DPP10: variants seen among roughly 807,000 people sequenced by gnomAD.
DPP10 encodes the protein dipeptidyl peptidase like 10.
In DPP10, 33 loss-of-function variants were observed where a neutral mutation model predicts 120.9. The observed-to-expected ratio is 0.27, with a 90% CI of 0.21 to 0.37. DPP10 has a LOEUF of 0.37. DPP10 is among the 10% of genes least tolerant of loss of function. The pLI, the probability that DPP10 is intolerant of heterozygous loss-of-function variation, is 1.00. For missense variants in DPP10, 816 were observed against 942.8 expected (o/e 0.87, Z 1.76); for synonymous variants, 337 against 326.1 (o/e 1.03, Z -0.36).
intron 1 of DPP10, among the ~76,000 whole-genome samples, chr2:114,615,324 T>A (rs1326695301): frequency 6.6e-6 from 1 of 152,170 alleles, no homozygotes; most frequent in Non-Finnish European, 1.5e-5. Context: ...GCACTATGGT[T>A]GTCTCTAATA....
chr2:115,488,662 T>C (rs1477245310), intron 3 of DPP10, among the ~76,000 whole-genome samples: 5 of 104,730 alleles, frequency 4.8e-5, no homozygotes, highest in African/African-American at 1.8e-4. Flanking sequence ...TTCTCACTCA[T>C]AGGTGGGAAT....
chr2:114,665,985 A>G (rs1027269174), intron 1 of DPP10, among the ~76,000 whole-genome samples: 1 of 152,222 alleles, frequency 6.6e-6, no homozygotes, highest in African/African-American at 2.4e-5. Flanking sequence ...CTTAATATAC[A>G]GCCCATCGGG....
At chr2:115,420,977 G>T (rs2069893535) in intron 3 of DPP10, among the ~76,000 whole-genome samples, 2 of 152,090 alleles carry the variant, frequency 1.3e-5, no homozygotes, top group African/African-American at 4.8e-5. Context: ...ATTGTTATAA[G>T]ATATATTTCG....
chr2:114,482,524 G>A (rs1286357702), intron 1 of DPP10, among the ~76,000 whole-genome samples: 2 of 152,058 alleles, frequency 1.3e-5, no homozygotes, highest in African/African-American at 2.4e-5. Context: ...AAAGTCAGTC[G>A]GGTGGTTCTG....
chr2:115,561,358 C>CAAAAAAA (rs11421762), intron 5 of DPP10, among the ~76,000 whole-genome samples: 4 of 59,802 alleles, frequency 6.7e-5, no homozygotes, highest in African/African-American at 1.4e-4. Context: ...GACTCCATCA[C>CAAAAAAA]AAAAAAAAAA....
chr2:115,331,408 C>G lies in DPP10; in HGVS notation c.176-12409C>G, dbSNP rs187076302. On this transcript the variant is annotated intron_variant, in intron 2 of 25. Coordinates refer to ENST00000410059, the MANE Select transcript of DPP10 (RefSeq NM_020868.6). ...CTTCCTCTTTTCCTAACTGAATACC[C>G]TTTATTTCTTCCTCCTGCCTGATTG... 3.6e-4 allele frequency among the ~76,000 whole-genome samples: 55 copies of G among 152,196 alleles called. 1 individual carries two copies. The East Asian group carries it at 0.01, about 28-fold the overall frequency.
intron 1 of DPP10, among the ~76,000 whole-genome samples, chr2:114,664,578 G>A (rs896257937): frequency 2.7e-5 from 4 of 145,488 alleles, no homozygotes; most frequent in Non-Finnish European, 4.5e-5. Flanking sequence ...GCAGTGAGCC[G>A]AGATTGTGGC....
At chr2:114,991,993 T>C (rs183200630) in intron 1 of DPP10, among the ~76,000 whole-genome samples, 1 of 152,346 alleles carries the variant, frequency 6.6e-6, no homozygotes, top group African/African-American at 2.4e-5. Context: ...AGGACCACAG[T>C]CATGAATTCA....
chr2:115,791,408 T>C, intron 19 of DPP10, 52 bp downstream of exon 19: 1 of 1,483,932 alleles, frequency 6.7e-7, no homozygotes, highest in Admixed American at 2.0e-5. Flanking sequence ...TTTTATATTT[T>C]TGTGTCTCAC....
chr2:115,780,374 G>A (rs1682606464), intron 15 of DPP10, among the ~76,000 whole-genome samples: 1 of 151,692 alleles, frequency 6.6e-6, no homozygotes, highest in South Asian at 2.1e-4. Context: ...GTAAATGATG[G>A]GGAAAATTTG....
chr2:114,597,780 T>A (rs935500119), intron 1 of DPP10, among the ~76,000 whole-genome samples: 1 of 151,932 alleles, frequency 6.6e-6, no homozygotes, highest in African/African-American at 2.4e-5. Context: ...ATGGCACTTA[T>A]GTTATTCCAC....
intron 5 of DPP10, among the ~76,000 whole-genome samples, chr2:115,684,903 T>C (rs555808469): frequency 1.3e-5 from 2 of 152,096 alleles, no homozygotes; most frequent in South Asian, 4.1e-4. Flanking sequence ...TTTCCATCAA[T>C]AGATCTTTGA....
chr2:115,309,150 T>C, intron 1 of DPP10, 89 bp from the exon 2 acceptor site: 1 of 966,448 alleles, frequency 1.0e-6, no homozygotes, highest in Non-Finnish European at 1.6e-6. Context: ...TTTCAAACTG[T>C]GATTGTGCCA....
At chr2:115,587,658 A>T (rs1039701086) in intron 5 of DPP10, among the ~76,000 whole-genome samples, 14 of 152,214 alleles carry the variant, frequency 9.2e-5, no homozygotes, top group Non-Finnish European at 2.1e-4. Flanking sequence ...CCACTGATGG[A>T]TGAATAGCTA....
At chr2:114,790,111 G>T (rs555581022) in intron 1 of DPP10, among the ~76,000 whole-genome samples, 13 of 152,166 alleles carry the variant, frequency 8.5e-5, no homozygotes, top group Non-Finnish European at 1.8e-4. Flanking sequence ...ATTATATAAG[G>T]CCACCTTAAT....
At chr2:115,776,205 G>A (rs188420343) in intron 13 of DPP10, among the ~76,000 whole-genome samples, 221 of 152,180 alleles carry the variant, frequency 1.5e-3, no homozygotes, top group African/African-American at 5.2e-3. Flanking sequence ...AGAAGGTGCA[G>A]GTGTGTTACA....
At chr2:114,626,156 T>C (rs1250075544) in intron 1 of DPP10, among the ~76,000 whole-genome samples, 1 of 151,852 alleles carries the variant, frequency 6.6e-6, no homozygotes. Flanking sequence ...TGATTACTCA[T>C]TTGCCTTAAT....
intron 1 of DPP10, among the ~76,000 whole-genome samples, chr2:114,537,030 A>G (rs185820815): frequency 2.6e-5 from 4 of 152,320 alleles, no homozygotes; most frequent in African/African-American, 7.2e-5. Flanking sequence ...AAAGCTTCCT[A>G]TGGATGGGAG....
At chr2:115,616,930 G>A (rs745341863) in intron 5 of DPP10, among the ~76,000 whole-genome samples, 12 of 151,988 alleles carry the variant, frequency 7.9e-5, no homozygotes, top group Admixed American at 2.6e-4. Context: ...AAAGCTTGAG[G>A]TGCATAACTT....
Sources: allele counts gnomAD v4.1 joint callset (sites outside exome capture counted in the v4.1 genomes callset), GRCh38; gene constraint gnomAD v4.1.1; transcripts MANE v1.5; gene names NCBI Gene and HGNC (gene_info 2026-07-23, HGNC 2026-07-21).